Variants in SELENOF observed in about 807,000 individuals in gnomAD.
The protein encoded by SELENOF is 15 kDa selenoprotein.
A neutral mutation model predicts 20.5 loss-of-function variants in SELENOF; 16 were observed. The ratio of observed to expected loss-of-function variants is 0.78; its 90% CI spans 0.53 to 1.19. The LOEUF (loss-of-function observed/expected upper bound fraction) is 1.19, where lower values mean the gene tolerates loss of function less well. Among genes scored for constraint, SELENOF ranks in the 50% most tolerant of loss-of-function variants. SELENOF has a pLI of 0.00. For synonymous variants in SELENOF, 78 were observed against 74.5 expected, an observed-to-expected ratio of 1.05 and a Z score of -0.24; for missense variants, 215 against 194.2, an observed-to-expected ratio of 1.11 and a Z score of -0.64.
At chr1:86,870,291 A>C (rs183229643) in intron 3 of SELENOF, among the ~76,000 whole-genome samples, 1 of 152,242 alleles carries the variant, frequency 6.6e-6, no homozygotes, top group African/African-American at 2.4e-5. Context: ...TCCCCTACAA[A>C]ATTTATTTCA....
chr1:86,912,464 A>G (rs944372918), intron 1 of SELENOF, among the ~76,000 whole-genome samples: 26 of 152,298 alleles, frequency 1.7e-4, no homozygotes, highest in Admixed American at 3.3e-4. Context: ...CATTCCTCCC[A>G]TGTAGAGATG....
intron 1 of SELENOF, among the ~76,000 whole-genome samples, chr1:86,905,712 T>G (rs1659811449): frequency 6.6e-6 from 1 of 152,174 alleles, no homozygotes; most frequent in East Asian, 1.9e-4. Flanking sequence ...GTAGGGGAAA[T>G]TTCAGATTGA....
intron 2 of SELENOF, among the ~76,000 whole-genome samples, chr1:86,899,616 C>T (rs564564369): frequency 2.5e-4 from 37 of 150,366 alleles, no homozygotes; most frequent in Middle Eastern, 3.5e-3. Flanking sequence ...CCCTCCCAGA[C>T]GGGGCGGCTG....
rs960651375 is a variant in SELENOF, at chr1:86,867,429, T to C, written c.366+624A>G. On this transcript the variant is annotated intron_variant, in intron 4 of 4. Transcript: ENST00000331835. ...ATTGCTTGAACCCAGGAGGCAGAGG[T>C]TGCAGTGAACCAAGATGGTGCCACT... Among the ~76,000 whole-genome samples the C allele has an allele frequency of 2.0e-5, 3 of 151,702 alleles. 1 individual carries two copies. Among genetic ancestry groups the C allele is most frequent in the African/African-American group, 7.3e-5 (3 of 41,248 alleles).
intron 4 of SELENOF, among the ~76,000 whole-genome samples, chr1:86,867,400 G>A (rs1244547944): frequency 6.6e-6 from 1 of 152,046 alleles, no homozygotes; most frequent in African/African-American, 2.4e-5. Context: ...GCTGAGACAT[G>A]AGAATTGCTT....
At chr1:86,913,655 C>T (rs759599839) in intron 1 of SELENOF, among the ~76,000 whole-genome samples, 39 of 152,158 alleles carry the variant, frequency 2.6e-4, no homozygotes, top group Non-Finnish European at 4.7e-4. Flanking sequence ...AGACTTGCCT[C>T]TAAGAGTTGG....
chr1:86,878,600 T>C (rs543467865), intron 3 of SELENOF, among the ~76,000 whole-genome samples: 1 of 152,338 alleles, frequency 6.6e-6, no homozygotes, highest in South Asian at 2.1e-4. Context: ...GAGAATCACT[T>C]GAACCTGGGA....
At chr1:86,889,502 G>T (rs539085713) in intron 2 of SELENOF, among the ~76,000 whole-genome samples, 1 of 152,126 alleles carries the variant, frequency 6.6e-6, no homozygotes, top group African/African-American at 2.4e-5. Flanking sequence ...GCTGAGACAG[G>T]AGAATCACTT....
chr1:86,892,896 G>T (rs947931383), intron 2 of SELENOF, among the ~76,000 whole-genome samples: 1 of 152,074 alleles, frequency 6.6e-6, no homozygotes, highest in Non-Finnish European at 1.5e-5. Context: ...ATGGCAAAAG[G>T]GGCCTTCAGA....
chr1:86,865,936 G>C (rs1381230088), intron 4 of SELENOF, among the ~76,000 whole-genome samples: 2 of 152,064 alleles, frequency 1.3e-5, no homozygotes, highest in Non-Finnish European at 2.9e-5. Flanking sequence ...GCTCATGCCT[G>C]TAAATCCCCG....
At chr1:86,881,040 A>G (rs1161969687) in intron 2 of SELENOF, among the ~76,000 whole-genome samples, 2 of 152,212 alleles carry the variant, frequency 1.3e-5, no homozygotes, top group Admixed American at 1.3e-4. Context: ...AAGCGCTACA[A>G]AATATTAAAG....
intron 2 of SELENOF, 21 bp from the exon 3 acceptor site, chr1:86,880,746 A>G (rs1216551451): frequency 6.7e-7 from 1 of 1,495,120 alleles, no homozygotes; most frequent in Non-Finnish European, 9.0e-7. Flanking sequence ...AAAAACAGGA[A>G]TTTAAAAAAC....
chr1:86,905,378 T>C (rs528726712), intron 1 of SELENOF, among the ~76,000 whole-genome samples: 1 of 152,280 alleles, frequency 6.6e-6, no homozygotes, highest in Non-Finnish European at 1.5e-5. Context: ...CTCCCCTATA[T>C]TTAAGGTTCT....
intron 3 of SELENOF, 61 bp downstream of exon 3, chr1:86,880,601 G>T: frequency 2.2e-6 from 2 of 893,196 alleles, no homozygotes; most frequent in South Asian, 3.5e-5. Context: ...TAGTGAAAAC[G>T]ATTCACATAA....
chr1:86,899,488 G>A (rs867804183), intron 2 of SELENOF, among the ~76,000 whole-genome samples: 5,075 of 124,788 alleles, frequency 0.041, 100 homozygotes, highest in African/African-American at 0.1. Flanking sequence ...CAGTAGGGGC[G>A]GCCGGGCAGA....
At chr1:86,903,595 A>C (rs1570405508) in intron 1 of SELENOF, 147 bp from the exon 2 acceptor site, 2 of 643,262 alleles carry the variant, frequency 3.1e-6, no homozygotes, top group Non-Finnish European at 4.8e-6. Flanking sequence ...TTTAAATTTT[A>C]ATTTAATTTT....
chr1:86,887,022 A>G, intron 2 of SELENOF: 2 of 979,130 alleles, frequency 2.0e-6, no homozygotes, highest in Non-Finnish European at 2.7e-6. Flanking sequence ...TATTTTTAGC[A>G]AAATTTGGTC....
chr1:86,887,759 C>T (rs1457184591), intron 2 of SELENOF, among the ~76,000 whole-genome samples: 1 of 152,002 alleles, frequency 6.6e-6, no homozygotes, highest in East Asian at 1.9e-4. Flanking sequence ...ATGAGACTCT[C>T]ATTAGGAAAA....
intron 2 of SELENOF, among the ~76,000 whole-genome samples, chr1:86,899,038 C>A (rs375419732): frequency 5.8e-4 from 88 of 152,058 alleles, no homozygotes; most frequent in African/African-American, 2.0e-3. Context: ...CATCTTGCAC[C>A]GCCCTTAATC....
Sources: gnomAD v4.1 joint callset for allele counts (sites outside exome capture counted in the v4.1 genomes callset) on GRCh38, gnomAD v4.1.1 for gene constraint, MANE v1.5 for transcripts, NCBI Gene and HGNC (gene_info 2026-07-23, HGNC 2026-07-21) for gene names.